The following SNX29 variants were observed in gnomAD, a reference collection of about 807,000 sequenced individuals.
SNX29 encodes the protein sorting nexin 29, also known as sorting nexin-29.
Under a neutral mutation model 102.1 loss-of-function variants are expected in SNX29, and 78 were observed. That is an observed-to-expected ratio of 0.76 (90% confidence interval 0.64 to 0.92). The LOEUF (loss-of-function observed/expected upper bound fraction) is 0.92, where lower values mean the gene tolerates loss of function less well. SNX29 is among the 40% of genes least tolerant of loss of function. SNX29 has a pLI of 0.00. For missense variants in SNX29, 1,280 were observed against 1,061.7 expected (o/e 1.21, Z -2.86); for synonymous variants, 580 against 414.5 (o/e 1.40, Z -4.85).
intron 20 of SNX29, among the ~76,000 whole-genome samples, chr16:12,555,540 T>TACG (rs1280530023): frequency 2.7e-5 from 4 of 150,872 alleles, no homozygotes; most frequent in Admixed American, 2.0e-4. Flanking sequence ...CTCTGGGAGG[T>TACG]CATACCGTGG....
intron 20 of SNX29, among the ~76,000 whole-genome samples, chr16:12,558,376 G>T (rs1044141231): frequency 2.0e-5 from 3 of 152,132 alleles, no homozygotes; most frequent in Non-Finnish European, 4.4e-5. Context: ...GGTAACCATC[G>T]GAATTTTACA....
intron 20 of SNX29, among the ~76,000 whole-genome samples, chr16:12,536,986 A>G (rs1279365174): frequency 6.8e-6 from 1 of 146,794 alleles, no homozygotes; most frequent in Non-Finnish European, 1.5e-5. Flanking sequence ...TCTTAAAAAA[A>G]TAAAATAAAA....
chr16:12,537,300 T>G (rs1350916846), intron 20 of SNX29, among the ~76,000 whole-genome samples: 1 of 152,198 alleles, frequency 6.6e-6, no homozygotes, highest in Non-Finnish European at 1.5e-5. Context: ...CATGTTTGGA[T>G]TTTAGTATAG....
At chr16:12,357,830 AC>A (rs1225761289) in intron 16 of SNX29, among the ~76,000 whole-genome samples, 2 of 152,172 alleles carry the variant, frequency 1.3e-5, no homozygotes, top group African/African-American at 4.8e-5. Context: ...TAATTTGTTT[AC>A]TGAAGACACT....
At chr16:12,438,041 C>T (rs2073809341) in intron 18 of SNX29, among the ~76,000 whole-genome samples, 1 of 152,152 alleles carries the variant, frequency 6.6e-6, no homozygotes, top group African/African-American at 2.4e-5. Context: ...CCACTCTTGG[C>T]CAGGGGCTGC....
chr16:12,162,295 G>T (rs1034300269), intron 13 of SNX29, among the ~76,000 whole-genome samples: 4 of 152,168 alleles, frequency 2.6e-5, no homozygotes, highest in African/African-American at 9.7e-5. Flanking sequence ...AGTACCATGC[G>T]TCATTTTCTT....
chr16:12,572,828 A>C lies in SNX29; in HGVS notation c.*4199A>C. ...CAGACTGGTTAGGAGGCATCCCAGA[A>C]GGGGCAGCCTCATGCCCAGGTTTCA... On this transcript the variant is annotated 3_prime_UTR_variant, in exon 21 of 21. Coordinates refer to ENST00000566228, the MANE Select transcript of SNX29 (RefSeq NM_032167.5). 1 of 1,063,946 alleles carries C rather than the reference A, an allele frequency of 9.4e-7. No homozygotes were observed. Among genetic ancestry groups the C allele is most frequent in the Non-Finnish European group, 1.1e-6 (1 of 878,378 alleles). The allele number at this position is 1,063,946 out of a possible 1,614,324, so 65.9% of individuals were successfully genotyped here.
At chr16:12,465,700 A>G (rs937244726) in intron 18 of SNX29, among the ~76,000 whole-genome samples, 1 of 152,188 alleles carries the variant, frequency 6.6e-6, no homozygotes, top group African/African-American at 2.4e-5. Context: ...CTGTGTTTCC[A>G]TATGAGTTTT....
intron 14 of SNX29, among the ~76,000 whole-genome samples, chr16:12,225,917 A>T (rs2077598788): frequency 6.6e-6 from 1 of 152,218 alleles, no homozygotes. Flanking sequence ...CCTTTTAACT[A>T]ACCCCAGTAA....
In SNX29 at chr16:12,001,399, C is replaced by T. The variant is rs1296237842; in HGVS notation, c.70-1592C>T. Among the ~76,000 whole-genome samples, 5 of 152,262 alleles carry T rather than the reference C, an allele frequency of 3.3e-5. No homozygotes were observed. In the East Asian group the frequency reaches 9.6e-4, roughly 29 times the overall value. On this transcript the variant is annotated intron_variant, in intron 2 of 20. Coordinates refer to ENST00000566228, the MANE Select transcript of SNX29 (RefSeq NM_032167.5). ...AACTGCTGGGATTACAGACGTGAGCCACCGCGCCTAGCCTGCTGTTATTAT... is the reference window on the plus strand; with the variant it reads ...AACTGCTGGGATTACAGACGTGAGCTACCGCGCCTAGCCTGCTGTTATTAT...
At chr16:12,044,526 C>T (rs1449397696) in intron 5 of SNX29, among the ~76,000 whole-genome samples, 1 of 152,196 alleles carries the variant, frequency 6.6e-6, no homozygotes, top group Non-Finnish European at 1.5e-5. Context: ...CTGAGAATGT[C>T]TGGATCTCTA....
chr16:12,470,049 G>T (rs1195306370), intron 18 of SNX29, among the ~76,000 whole-genome samples: 1 of 152,190 alleles, frequency 6.6e-6, no homozygotes, highest in Admixed American at 6.5e-5. Flanking sequence ...AAATCGCAGG[G>T]CTTTTGTGAA....
At chr16:12,209,649 T>TTGAC (rs1359275065) in intron 14 of SNX29, among the ~76,000 whole-genome samples, 1 of 152,156 alleles carries the variant, frequency 6.6e-6, no homozygotes, top group Non-Finnish European at 1.5e-5. Context: ...AGCTGCGTGT[T>TTGAC]TGACTGCTCT....
intron 19 of SNX29, among the ~76,000 whole-genome samples, chr16:12,492,215 C>T (rs960040673): frequency 1.6e-4 from 24 of 152,274 alleles, no homozygotes; most frequent in Middle Eastern, 3.4e-3. Flanking sequence ...TTTTAATGAT[C>T]GCCATTCTAA....
At chr16:12,502,380 G>C (rs370747503) in intron 19 of SNX29, among the ~76,000 whole-genome samples, 2 of 152,140 alleles carry the variant, frequency 1.3e-5, no homozygotes, top group Non-Finnish European at 2.9e-5. Context: ...TGAGTGATTC[G>C]GGGAATGGCT....
intron 14 of SNX29, among the ~76,000 whole-genome samples, chr16:12,228,043 A>G (rs1287595594): frequency 6.6e-6 from 1 of 151,634 alleles, no homozygotes; most frequent in Admixed American, 6.6e-5. Context: ...CCAGAGACTT[A>G]GGTAGGAGGA....
At chr16:12,544,324 A>G (rs2077485216) in intron 20 of SNX29, among the ~76,000 whole-genome samples, 1 of 152,068 alleles carries the variant, frequency 6.6e-6, no homozygotes. Flanking sequence ...CCCCAAAGTC[A>G]TGAGGCAGGA....
chr16:12,564,703 T>C (rs1260665420), intron 20 of SNX29, among the ~76,000 whole-genome samples: 1 of 152,164 alleles, frequency 6.6e-6, no homozygotes, highest in Non-Finnish European at 1.5e-5. Context: ...GCCCCAGAGC[T>C]GCAAGCCCAC....
At chr16:12,396,362 C>T (rs2083721636) in intron 16 of SNX29, among the ~76,000 whole-genome samples, 1 of 152,130 alleles carries the variant, frequency 6.6e-6, no homozygotes, top group Non-Finnish European at 1.5e-5. Flanking sequence ...GATTGAGGTT[C>T]CTGGGTGCAA....
Sources: allele counts gnomAD v4.1 joint callset (sites outside exome capture counted in the v4.1 genomes callset), GRCh38; gene constraint gnomAD v4.1.1; transcripts MANE v1.5; gene names NCBI Gene and HGNC (gene_info 2026-07-23, HGNC 2026-07-21).